The following PRSS55 variants were observed in gnomAD, a reference collection of about 807,000 sequenced individuals.
The protein encoded by PRSS55 is probable serine protease UNQ9391/PRO34284.
In PRSS55, 41 loss-of-function variants were observed where a neutral mutation model predicts 23.6. The ratio of observed to expected loss-of-function variants is 1.74; its 90% CI spans 1.35 to 2.26. The LOEUF (loss-of-function observed/expected upper bound fraction) is 2.26. PRSS55 is among the 30% of genes most tolerant of loss of function. The probability of loss-of-function intolerance (pLI) is 0.00; values close to 1 mark genes in which losing one functional copy is unlikely to be tolerated. For synonymous variants in PRSS55, 262 were observed against 175.5 expected, an observed-to-expected ratio of 1.49 and a Z score of -3.90; for missense variants, 669 against 439.1, an observed-to-expected ratio of 1.52 and a Z score of -4.68.
At chr8:10,546,659 C>A (rs1440884309) in intron 4 of PRSS55, among the ~76,000 whole-genome samples, 1 of 152,120 alleles carries the variant, frequency 6.6e-6, no homozygotes, top group African/African-American at 2.4e-5. Context: ...AGGCAGCCCT[C>A]TGCTGCCTCC....
rs1032870677 is a variant in PRSS55, at chr8:10,538,183, G to A, written c.742-293G>A. On this transcript the variant is annotated intron_variant, in intron 4 of 4. Coordinates refer to ENST00000328655, the MANE Select transcript of PRSS55 (RefSeq NM_198464.4). ...CAAAACAAGTCTCCACTCATCCCTTGGCCTGCATCTCTCTGTGCTGCAGAT... is the reference window on the plus strand; with the variant it reads ...CAAAACAAGTCTCCACTCATCCCTTAGCCTGCATCTCTCTGTGCTGCAGAT... Among the ~76,000 whole-genome samples the A allele has an allele frequency of 9.2e-4, 140 of 152,142 alleles. 2 individuals carry two copies. The highest frequency in any genetic ancestry group is 2.4e-3 in the African/African-American group (101 of 41,480).
intron 4 of PRSS55, among the ~76,000 whole-genome samples, chr8:10,546,107 C>A (rs1812811822): frequency 6.6e-6 from 1 of 152,126 alleles, no homozygotes; most frequent in African/African-American, 2.4e-5. Context: ...CCCAGGGGAA[C>A]TAGGCTCCCC....
intron 4 of PRSS55, chr8:10,545,284 A>G (rs1472706891): frequency 1.3e-5 from 2 of 151,806 alleles, no homozygotes; most frequent in Non-Finnish European, 2.9e-5. Context: ...TGCAGCCTCA[A>G]CCTCCCAGGC....
intron 3 of PRSS55, 114 bp from the exon 4 acceptor site, chr8:10,532,792 G>T: frequency 7.5e-7 from 1 of 1,342,056 alleles, no homozygotes; most frequent in East Asian, 2.3e-5. Context: ...CAGAGCCTGT[G>T]AAGGAAGGGG....
At chr8:10,540,366 C>A (rs1812615522), downstream of PRSS55, 1 of 152,226 alleles carries the variant, frequency 6.6e-6, no homozygotes, top group Non-Finnish European at 1.5e-5. Flanking sequence ...GAAGCTTGGG[C>A]TTTTCCTGGG....
At chr8:10,550,218 C>A (rs914036052) in intron 4 of PRSS55, among the ~76,000 whole-genome samples, 1 of 152,180 alleles carries the variant, frequency 6.6e-6, no homozygotes, top group Non-Finnish European at 1.5e-5. Flanking sequence ...CCATTGCGCC[C>A]GGCCCACAGG....
At chr8:10,530,683 G>T (rs1285366303) in intron 2 of PRSS55, among the ~76,000 whole-genome samples, 20 of 151,952 alleles carry the variant, frequency 1.3e-4, no homozygotes, top group Admixed American at 1.3e-3. Context: ...CCAGCTCAAG[G>T]AAGTTTGAAG....
intron 4 of PRSS55, among the ~76,000 whole-genome samples, chr8:10,550,214 C>T (rs1208772056): frequency 3.9e-5 from 6 of 152,172 alleles, no homozygotes; most frequent in African/African-American, 9.7e-5. Context: ...TGAGCCATTG[C>T]GCCCGGCCCA....
At chr8:10,545,232 C>CT (rs1812786964) in intron 4 of PRSS55, 1 of 148,862 alleles carries the variant, frequency 6.7e-6, no homozygotes, top group African/African-American at 2.5e-5. Flanking sequence ...GTGTCTCACT[C>CT]TATCACCCAG....
chr8:10,543,081 G>C (rs569332918), downstream of PRSS55, among the ~76,000 whole-genome samples: 5 of 152,178 alleles, frequency 3.3e-5, no homozygotes, highest in South Asian at 8.3e-4. Flanking sequence ...TCTGACTCCA[G>C]AGGTTGCATG....
intron 4 of PRSS55, among the ~76,000 whole-genome samples, chr8:10,536,164 G>C (rs1273861992): frequency 6.6e-6 from 1 of 152,162 alleles, no homozygotes; most frequent in African/African-American, 2.4e-5. Context: ...TCAAGCCTGG[G>C]TGACAGAGCG....
chr8:10,529,394 G>A (rs1456556011), intron 1 of PRSS55, 113 bp from the exon 2 acceptor site: 1 of 1,055,096 alleles, frequency 9.5e-7, no homozygotes, highest in Admixed American at 1.8e-5. Context: ...TCTCTAGAAT[G>A]GGGATGAGGA....
intron 2 of PRSS55, among the ~76,000 whole-genome samples, chr8:10,530,003 G>A (rs1256648507): frequency 2.0e-5 from 3 of 152,184 alleles, no homozygotes; most frequent in African/African-American, 4.8e-5. Flanking sequence ...GCCTCTCCTA[G>A]GGCATTCAAG....
At chr8:10,527,655 G>A (rs1235032323) in intron 1 of PRSS55, among the ~76,000 whole-genome samples, 3 of 152,258 alleles carry the variant, frequency 2.0e-5, no homozygotes, top group African/African-American at 7.2e-5. Context: ...GCGCAGTGGT[G>A]AGAGCACCAG....
At chr8:10,532,866 G>A (rs768020086) in intron 3 of PRSS55, 40 bp from the exon 4 acceptor site, 24 of 1,612,668 alleles carry the variant, frequency 1.5e-5, no homozygotes, top group Admixed American at 3.3e-5. Flanking sequence ...GGGGACATGA[G>A]GCCCAGTGGC....
Position 10,538,675 on chromosome 8 carries a change from C to T in PRSS55, c.941C>T (p.Ser314Phe), listed in dbSNP as rs1168724426. ...TTCAATGCAGAGAAAAGGAGGACTT[C>T]TGTCAAACAGAAACCTATGGGCTCC... Reference protein sequence around the residue: ...RPFNAEKRRTSVKQKPMGSPV... With the variant: ...RPFNAEKRRTFVKQKPMGSPV... The change falls in exon 5 of 5, where the codon TCT becomes TTT. Residue 314 changes from serine to phenylalanine, a missense_variant. Coordinates refer to ENST00000328655, the MANE Select transcript of PRSS55 (RefSeq NM_198464.4). 12 of 1,614,092 alleles carry T rather than the reference C, an allele frequency of 7.4e-6. No homozygotes were observed. The highest frequency in any genetic ancestry group is 1.7e-5 in the Admixed American group (1 of 60,012).
downstream of PRSS55, among the ~76,000 whole-genome samples, chr8:10,542,447 A>T (rs1035062642): frequency 1.1e-4 from 17 of 151,886 alleles, no homozygotes; most frequent in Non-Finnish European, 2.2e-4. Context: ...CTAAGACAAT[A>T]AGGGAAAGTT....
At chr8:10,539,220 G>A (rs1812567344), downstream of PRSS55, among the ~76,000 whole-genome samples, 1 of 152,166 alleles carries the variant, frequency 6.6e-6, no homozygotes, top group Non-Finnish European at 1.5e-5. Context: ...GTTGTTCTAG[G>A]AAGTTAGTCT....
At chr8:10,540,122 G>T (rs1001508619), downstream of PRSS55, 3 of 152,306 alleles carry the variant, frequency 2.0e-5, no homozygotes, top group African/African-American at 7.2e-5. Context: ...TTCCACCAGC[G>T]TGTGGGATGC....
Sources: gnomAD v4.1 joint callset for allele counts (sites outside exome capture counted in the v4.1 genomes callset) on GRCh38, gnomAD v4.1.1 for gene constraint, MANE v1.5 for transcripts, NCBI Gene and HGNC (gene_info 2026-07-23, HGNC 2026-07-21) for gene names.